ZRANB3: variants seen among roughly 807,000 people sequenced by gnomAD.
The protein encoded by ZRANB3 is DNA annealing helicase and endonuclease ZRANB3.
Under a neutral mutation model 133.8 loss-of-function variants are expected in ZRANB3, and 125 were observed. The ratio of observed to expected loss-of-function variants is 0.93; its 90% CI spans 0.81 to 1.08. The LOEUF (loss-of-function observed/expected upper bound fraction) is 1.08, where lower values mean the gene tolerates loss of function less well. Among genes scored for constraint, ZRANB3 ranks in the 50% least tolerant of loss-of-function variants. ZRANB3 has a pLI of 0.00. For missense variants in ZRANB3, 1,229 were observed against 1,275.5 expected (o/e 0.96, Z 0.56); for synonymous variants, 387 against 432.7 (o/e 0.89, Z 1.31).
chr2:135,308,919 G>A (rs1196208576), intron 8 of ZRANB3, among the ~76,000 whole-genome samples: 1 of 150,866 alleles, frequency 6.6e-6, no homozygotes, highest in Non-Finnish European at 1.5e-5. Context: ...AAACAAACTA[G>A]TAAAAAAAGG....
At position 135,313,231 on chromosome 2, in the gene ZRANB3, T is replaced by C. The variant is rs533571735; in HGVS notation, c.966+258A>G. ...GGCTGGGCATGTTGGCATGTGCCTG[T>C]AGTCCTGGCTACTTGGGAGACTGAG... On this transcript the variant is annotated intron_variant, in intron 8 of 20. Coordinates refer to ENST00000264159, the MANE Select transcript of ZRANB3 (RefSeq NM_032143.4). Among the ~76,000 whole-genome samples, 11 of 150,046 alleles carry C rather than the reference T, an allele frequency of 7.3e-5. No individual in the cohort carries two copies. The East Asian group carries it at 2.0e-3, about 27-fold the overall frequency.
rs149054737 is a variant in ZRANB3 at position 135,432,900 on chromosome 2, C to T, written c.162-42080G>A. 4.6e-5 allele frequency among the ~76,000 whole-genome samples: 7 copies of T among 152,266 alleles called. No homozygotes were observed. In the East Asian group the frequency reaches 1.2e-3, roughly 25 times the overall value. On this transcript the variant is annotated intron_variant, in intron 2 of 20. Transcript: ENST00000264159. ...AACCAGAGGAAAATCTCCCTTACCCCGACTTCAAATAGTCATGGCTATTTG... is the reference window on the plus strand; with the variant it reads ...AACCAGAGGAAAATCTCCCTTACCCTGACTTCAAATAGTCATGGCTATTTG...
chr2:135,514,059 T>C (rs1465202307), intron 1 of ZRANB3, among the ~76,000 whole-genome samples: 1 of 152,204 alleles, frequency 6.6e-6, no homozygotes, highest in Non-Finnish European at 1.5e-5. Context: ...CAGTTTGAAG[T>C]CAAACTAGGT....
At chr2:135,237,134 A>T (rs1695325299) in intron 12 of ZRANB3, among the ~76,000 whole-genome samples, 2 of 152,232 alleles carry the variant, frequency 1.3e-5, no homozygotes, top group South Asian at 4.1e-4. Context: ...GGCGAAGGAT[A>T]TGAACAGACA....
intron 9 of ZRANB3, among the ~76,000 whole-genome samples, chr2:135,273,054 C>G (rs1680611998): frequency 6.6e-6 from 1 of 151,560 alleles, no homozygotes; most frequent in Non-Finnish European, 1.5e-5. Flanking sequence ...GACGTGGTGG[C>G]GGGCGCCTGT....
At position 135,296,629 on chromosome 2, in the gene ZRANB3, G is replaced by A. The variant is rs779828345; in HGVS notation, c.966+16860C>T. 2.0e-5 allele frequency among the ~76,000 whole-genome samples: 3 copies of A among 152,176 alleles called. No individual in the cohort carries two copies. In the South Asian group the frequency reaches 6.2e-4, roughly 32 times the overall value. ...TTTGTTCTGTTGCTGGTGAGGAGCTGCGTTCCTTTGGAGGAGGAGAGGCGC... is the reference window on the plus strand; with the variant it reads ...TTTGTTCTGTTGCTGGTGAGGAGCTACGTTCCTTTGGAGGAGGAGAGGCGC... On this transcript the variant is annotated intron_variant, in intron 8 of 20. Coordinates refer to ENST00000264159, the MANE Select transcript of ZRANB3 (RefSeq NM_032143.4).
chr2:135,215,646 T>C (rs1694275456), intron 17 of ZRANB3, among the ~76,000 whole-genome samples: 1 of 152,184 alleles, frequency 6.6e-6, no homozygotes, highest in Non-Finnish European at 1.5e-5. Context: ...CCTTTTTTAG[T>C]TTTATAACTG....
At chr2:135,301,194 T>C (rs868418242) in intron 8 of ZRANB3, among the ~76,000 whole-genome samples, 1 of 151,656 alleles carries the variant, frequency 6.6e-6, no homozygotes, top group Non-Finnish European at 1.5e-5. Context: ...TATTTTTTTT[T>C]TTTTTTTTGA....
At chr2:135,308,658 G>A (rs1210625607) in intron 8 of ZRANB3, among the ~76,000 whole-genome samples, 1 of 151,994 alleles carries the variant, frequency 6.6e-6, no homozygotes, top group African/African-American at 2.4e-5. Context: ...TAGAGACGAG[G>A]TCTTCCTCTG....
At chr2:135,316,711 T>C (rs187268065) in intron 6 of ZRANB3, among the ~76,000 whole-genome samples, 2 of 152,252 alleles carry the variant, frequency 1.3e-5, no homozygotes, top group Non-Finnish European at 2.9e-5. Flanking sequence ...CTCACGCCCG[T>C]AATCCCAGCA....
intron 2 of ZRANB3, among the ~76,000 whole-genome samples, chr2:135,403,328 T>C (rs926388710): frequency 3.3e-5 from 5 of 152,136 alleles, no homozygotes; most frequent in African/African-American, 1.2e-4. Context: ...GCTCGGAGGG[T>C]CCTCCGCCCA....
chr2:135,234,177 A>T (rs1160354706), intron 12 of ZRANB3, among the ~76,000 whole-genome samples: 1 of 152,226 alleles, frequency 6.6e-6, no homozygotes, highest in East Asian at 1.9e-4. Flanking sequence ...TAAACCAACA[A>T]AGATCAAAAG....
chr2:135,349,044 G>C (rs1685074789), intron 5 of ZRANB3, among the ~76,000 whole-genome samples: 1 of 152,112 alleles, frequency 6.6e-6, no homozygotes, highest in Non-Finnish European at 1.5e-5. Context: ...GCATCCAAGA[G>C]TAAAAACTAT....
At chr2:135,467,047 T>C (rs1237595057) in intron 2 of ZRANB3, among the ~76,000 whole-genome samples, 1 of 152,196 alleles carries the variant, frequency 6.6e-6, no homozygotes, top group African/African-American at 2.4e-5. Flanking sequence ...TCTATTATTT[T>C]ACATGGTAGG....
intron 8 of ZRANB3, among the ~76,000 whole-genome samples, chr2:135,281,479 G>T (rs1681100226): frequency 1.3e-5 from 2 of 151,858 alleles, no homozygotes; most frequent in South Asian, 4.1e-4. Flanking sequence ...AGTCTGCTGG[G>T]GGTTTCAAAA....
chr2:135,466,382 C>CA (rs553890734), intron 2 of ZRANB3, among the ~76,000 whole-genome samples: 1,260 of 28,230 alleles, frequency 0.045, 172 homozygotes, highest in Non-Finnish European at 0.097. Flanking sequence ...GACTCCGTCA[C>CA]AAAAAAAAAA....
At chr2:135,294,926 C>T (rs2104799891) in intron 8 of ZRANB3, among the ~76,000 whole-genome samples, 1 of 152,198 alleles carries the variant, frequency 6.6e-6, no homozygotes, top group South Asian at 2.1e-4. Context: ...TTTCTTAATC[C>T]TGAGTTTTAG....
chr2:135,345,499 G>A, intron 6 of ZRANB3, 51 bp downstream of exon 6: 1 of 1,253,844 alleles, frequency 8.0e-7, no homozygotes, highest in Non-Finnish European at 1.1e-6. Context: ...ATAAAGCAAT[G>A]TTCACAGTAA....
At chr2:135,468,322 C>T (rs1375860813) in intron 2 of ZRANB3, among the ~76,000 whole-genome samples, 1 of 152,152 alleles carries the variant, frequency 6.6e-6, no homozygotes. Context: ...ATTCTCTTCC[C>T]ATATCCCACC....
Sources: gnomAD v4.1 joint callset for allele counts (sites outside exome capture counted in the v4.1 genomes callset) on GRCh38, gnomAD v4.1.1 for gene constraint, MANE v1.5 for transcripts, NCBI Gene and HGNC (gene_info 2026-07-23, HGNC 2026-07-21) for gene names.